The following ZBTB7C variants were observed in gnomAD, a reference collection of about 807,000 sequenced individuals.
ZBTB7C encodes zinc finger and BTB domain containing 7C.
Under a neutral mutation model 25.7 loss-of-function variants are expected in ZBTB7C, and 8 were observed. The observed-to-expected ratio is 0.31, with a 90% CI of 0.18 to 0.56. ZBTB7C has a LOEUF of 0.56. Ranked by LOEUF, ZBTB7C falls within the 20% of genes least tolerant of loss-of-function variation. The pLI is 0.91. For missense variants in ZBTB7C, 824 were observed against 855.2 expected (o/e 0.96, Z 0.46); for synonymous variants, 394 against 369.0 (o/e 1.07, Z -0.78).
At chr18:48,286,227 GGTGTGCGT>G (rs1346520327) in intron 2 of ZBTB7C, among the ~76,000 whole-genome samples, 8 of 124,154 alleles carry the variant, frequency 6.4e-5, no homozygotes, top group East Asian at 2.2e-4. Flanking sequence ...TCAGAGAAGA[GGTGTGCGT>G]GTGTGTGTGT....
At chr18:48,409,748 G>T (rs2048361814), upstream of ZBTB7C, among the ~76,000 whole-genome samples, 1 of 152,050 alleles carries the variant, frequency 6.6e-6, no homozygotes, top group Non-Finnish European at 1.5e-5. Flanking sequence ...GGAGTGGGGG[G>T]GCCGGGCACC....
Position 48,402,860 on chromosome 18 carries a change from T to G in ZBTB7C, c.-304+6366A>C, listed in dbSNP as rs77767391. Among the ~76,000 whole-genome samples, 57 of 152,368 alleles carry G rather than the reference T, an allele frequency of 3.7e-4. 1 individual carries two copies. In the East Asian group the frequency reaches 0.011, roughly 28 times the overall value. ...TCCATATTTTCCCAATTTTCTATTA[T>G]GAGTCTTATTGCTTTAATAATCAGA... On this transcript the variant is annotated intron_variant, in intron 1 of 4. Transcript: ENST00000590800.
intron 2 of ZBTB7C, among the ~76,000 whole-genome samples, chr18:48,245,090 G>GTATATATATATATATATATATATA (rs138848813): frequency 4.6e-4 from 51 of 110,120 alleles, no homozygotes; most frequent in African/African-American, 1.1e-3. Context: ...GTGTGTGTGT[G>GTATATATATATATATATATATATA]TGTATATATA....
chr18:48,040,853 C>T lies in ZBTB7C; in HGVS notation c.255G>A (p.Leu85=), dbSNP rs748759010. Residue 85 remains leucine, a synonymous_variant, in exon 4 of 5, where the codon CTG becomes CTA. Coordinates refer to ENST00000590800, the MANE Select transcript of ZBTB7C (RefSeq NM_001318841.2). ...YEIDFVQPEA[L]AAILEFAYTS... is the part of the protein sequence containing the mutation. ...TGTAGGCGAACTCCAGGATAGCAGCCAGAGCCTCAGGCTGGACAAAGTCGA... is the reference window on the plus strand; with the variant it reads ...TGTAGGCGAACTCCAGGATAGCAGCTAGAGCCTCAGGCTGGACAAAGTCGA... 6.2e-7 allele frequency: 1 copy of T among 1,613,858 alleles called. No homozygotes were observed. Among genetic ancestry groups the T allele is most frequent in the African/African-American group, 1.3e-5 (1 of 74,882 alleles).
intron 3 of ZBTB7C, among the ~76,000 whole-genome samples, chr18:48,166,942 C>G (rs1029969642): frequency 6.6e-6 from 1 of 152,148 alleles, no homozygotes; most frequent in African/African-American, 2.4e-5. Flanking sequence ...CAGCCCCCAG[C>G]CCCAGGAAGA....
intron 2 of ZBTB7C, among the ~76,000 whole-genome samples, chr18:48,299,651 C>T (rs2045493947): frequency 6.6e-6 from 1 of 152,110 alleles, no homozygotes; most frequent in South Asian, 2.1e-4. Context: ...TCCCAGAGGC[C>T]AGTCCAGCTG....
At chr18:48,404,831 T>C (rs34600948) in intron 1 of ZBTB7C, among the ~76,000 whole-genome samples, 11,070 of 152,248 alleles carry the variant, frequency 0.073, 517 homozygotes, top group South Asian at 0.1. Context: ...GTTTTTCATG[T>C]CCAGCCCTTG....
chr18:48,371,881 A>G (rs1362973242), intron 1 of ZBTB7C, among the ~76,000 whole-genome samples: 4 of 152,164 alleles, frequency 2.6e-5, no homozygotes, highest in African/African-American at 9.7e-5. Flanking sequence ...TCCAGCACCC[A>G]TGGCTCCAAT....
At chr18:48,292,428 T>C (rs906305401) in intron 2 of ZBTB7C, among the ~76,000 whole-genome samples, 11 of 152,282 alleles carry the variant, frequency 7.2e-5, no homozygotes, top group Admixed American at 3.9e-4. Context: ...CTTTTCACTA[T>C]GACTCATGGC....
At chr18:48,145,911 G>C (rs1014736868) in intron 3 of ZBTB7C, among the ~76,000 whole-genome samples, 4 of 152,122 alleles carry the variant, frequency 2.6e-5, no homozygotes, top group Non-Finnish European at 5.9e-5. Flanking sequence ...TGTTTTTCAA[G>C]TTCATGTGAT....
chr18:48,177,576 C>T (rs561277693), intron 3 of ZBTB7C, among the ~76,000 whole-genome samples: 9 of 152,036 alleles, frequency 5.9e-5, no homozygotes, highest in South Asian at 2.1e-4. Context: ...TGTGTGTATA[C>T]GCATGTGTGT....
chr18:48,326,958 G>C (rs143474593), intron 2 of ZBTB7C, among the ~76,000 whole-genome samples: 2,218 of 152,320 alleles, frequency 0.015, 33 homozygotes, highest in Middle Eastern at 0.031. Flanking sequence ...AGGTGCAAGA[G>C]CCAAAAATTG....
At chr18:48,251,663 T>G (rs2043860706) in intron 2 of ZBTB7C, among the ~76,000 whole-genome samples, 1 of 152,210 alleles carries the variant, frequency 6.6e-6, no homozygotes, top group African/African-American at 2.4e-5. Context: ...TCAGACAATG[T>G]GGCACTGGCC....
At chr18:48,283,895 C>T (rs1261943677) in intron 2 of ZBTB7C, among the ~76,000 whole-genome samples, 2 of 152,150 alleles carry the variant, frequency 1.3e-5, no homozygotes, top group Admixed American at 1.3e-4. Context: ...ACTTGTAACC[C>T]CAGAACTTTG....
intron 2 of ZBTB7C, among the ~76,000 whole-genome samples, chr18:48,276,032 G>T (rs2044639268): frequency 6.6e-6 from 1 of 152,156 alleles, no homozygotes; most frequent in African/African-American, 2.4e-5. Flanking sequence ...CGGGATTTGA[G>T]GACCTGGAGG....
At chr18:48,334,140 A>T (rs1032443167) in intron 2 of ZBTB7C, among the ~76,000 whole-genome samples, 3 of 152,164 alleles carry the variant, frequency 2.0e-5, no homozygotes, top group Non-Finnish European at 4.4e-5. Context: ...CCCAGGAAGG[A>T]TGGATTATGA....
intron 2 of ZBTB7C, among the ~76,000 whole-genome samples, chr18:48,254,593 G>A (rs2043970490): frequency 6.6e-6 from 1 of 152,104 alleles, no homozygotes; most frequent in Non-Finnish European, 1.5e-5. Context: ...CCCACTCCAT[G>A]TGTGTGTGTC....
chr18:48,137,219 C>T lies in ZBTB7C; in HGVS notation c.-17+48715G>A, dbSNP rs188223346. ...CACCCTCCAACCAGAAGTATTTGGC[C>T]GGGAGCCCCTTTGGTCCACCTGTAC... On this transcript the variant is annotated intron_variant, in intron 3 of 4. Transcript: ENST00000590800. 7.9e-4 allele frequency: 775 copies of T among 985,536 alleles called. 11 individuals carry two copies. The African/African-American group carries it at 0.013, about 16-fold the overall frequency. 61.0% of individuals were successfully genotyped at this position (985,536 alleles called of 1,614,324 possible).
Position 48,046,645 on chromosome 18 carries a change from C to T in ZBTB7C, c.-16-5522G>A, listed in dbSNP as rs189272809. Among the ~76,000 whole-genome samples, 127 of 152,318 alleles carry T rather than the reference C, an allele frequency of 8.3e-4. 1 individual carries two copies. Among genetic ancestry groups the T allele is most frequent in the African/African-American group, 2.9e-3 (121 of 41,564 alleles). ...AGAAGAGCTGGAACCCGTTAGTCCA[C>T]GTGTTGGTGATCAGCGTCCCACTGT... On this transcript the variant is annotated intron_variant, in intron 3 of 4. Transcript: ENST00000590800.
Sources: allele counts gnomAD v4.1 joint callset (sites outside exome capture counted in the v4.1 genomes callset), GRCh38; gene constraint gnomAD v4.1.1; transcripts MANE v1.5; gene names NCBI Gene and HGNC (gene_info 2026-07-23, HGNC 2026-07-21).